The following NLRP9 variants were observed in gnomAD, a reference collection of about 807,000 sequenced individuals.
The protein encoded by NLRP9 is NACHT, LRR and PYD domains-containing protein 9.
A neutral mutation model predicts 83.1 loss-of-function variants in NLRP9; 88 were observed. That is an observed-to-expected ratio of 1.06 (90% CI 0.89 to 1.26). The LOEUF (loss-of-function observed/expected upper bound fraction) is 1.26, where lower values mean the gene tolerates loss of function less well. Ranked by LOEUF, NLRP9 falls within the 50% of genes most tolerant of loss-of-function variation. The probability of loss-of-function intolerance (pLI) is 0.00; values close to 1 mark genes in which losing one functional copy is unlikely to be tolerated. For missense variants in NLRP9, 1,308 were observed against 1,179.3 expected (o/e 1.11, Z -1.60); for synonymous variants, 521 against 447.6 (o/e 1.16, Z -2.07).
At chr19:55,727,022 G>A (rs1206333137) in intron 3 of NLRP9, among the ~76,000 whole-genome samples, 1 of 152,148 alleles carries the variant, frequency 6.6e-6, no homozygotes, top group Non-Finnish European at 1.5e-5. Context: ...GGAGGTCAAG[G>A]CAGGTGGATC....
At chr19:55,713,302 GA>G (rs1987841357) in intron 6 of NLRP9, among the ~76,000 whole-genome samples, 1 of 151,590 alleles carries the variant, frequency 6.6e-6, no homozygotes, top group African/African-American at 2.4e-5. Context: ...CAGATAGACA[GA>G]AAAATGGTAG....
At chr19:55,716,672 G>A (rs1988025805) in intron 5 of NLRP9, 56 bp downstream of exon 5, 1 of 1,446,728 alleles carries the variant, frequency 6.9e-7, no homozygotes, top group South Asian at 1.1e-5. Flanking sequence ...GATAATGGGT[G>A]GATCCAGGTG....
At position 55,723,007 on chromosome 19, in the gene NLRP9, GC is replaced by G. The variant is rs1274086399; in HGVS notation, c.2159+972del. Among the ~76,000 whole-genome samples, 3 of 152,236 alleles carry G rather than the reference GC, an allele frequency of 2.0e-5. 1 individual carries two copies. Among genetic ancestry groups the G allele is most frequent in the African/African-American group, 7.2e-5 (3 of 41,532 alleles). On this transcript the variant is annotated intron_variant, in intron 4 of 8. Coordinates refer to ENST00000332836, the MANE Select transcript of NLRP9 (RefSeq NM_176820.4). ...ACTGGGGCCTGTCGGTGGGTGGGGAGCTGGGGGAGGGAAAGCATTAGGAGAT... is the reference window on the plus strand; with the variant it reads ...ACTGGGGCCTGTCGGTGGGTGGGGAGTGGGGGAGGGAAAGCATTAGGAGAT...
intron 3 of NLRP9, among the ~76,000 whole-genome samples, chr19:55,726,808 T>A (rs994448524): frequency 5.0e-4 from 76 of 152,252 alleles, no homozygotes; most frequent in Admixed American, 1.3e-4. Context: ...TGATTCTCCA[T>A]CGTCTCAGCA....
chr19:55,711,763 GAA>G (rs564692497), intron 8 of NLRP9, 35 bp downstream of exon 8: 17 of 1,600,416 alleles, frequency 1.1e-5, no homozygotes, highest in Admixed American at 3.4e-5. Flanking sequence ...AGCTCGTTCT[GAA>G]GTCACTCACC....
chr19:55,733,752 C>T (rs1235639466), intron 1 of NLRP9, among the ~76,000 whole-genome samples: 1 of 152,086 alleles, frequency 6.6e-6, no homozygotes, highest in Non-Finnish European at 1.5e-5. Flanking sequence ...TCTCCATTAA[C>T]AGGAACACAG....
chr19:55,732,303 A>G lies in NLRP9; in HGVS notation c.1528T>C (p.Ser510Pro). The G allele has an allele frequency of 1.9e-6, 3 of 1,614,216 alleles. No homozygotes were observed. Among genetic ancestry groups the G allele is most frequent in the Non-Finnish European group, 2.5e-6 (3 of 1,180,028 alleles). ...TEEIVSMLET[S>P]FGFPLSKDLK... is the part of the protein sequence containing the mutation. Reference sequence around the variant, plus strand: ...TCTTTTGACAGTGGAAAACCAAAGGAGGTCTCCAGCATGCTGACGATTTCT... The same window carrying G: ...TCTTTTGACAGTGGAAAACCAAAGGGGGTCTCCAGCATGCTGACGATTTCT... The change falls in exon 2 of 9, where the codon TCC (serine) becomes CCC (proline). Residue 510 changes from serine (S) to proline (P), a missense_variant. Ser to Pro is a moderately conservative substitution (Grantham distance 74, BLOSUM62 -1). Coordinates refer to ENST00000332836, the MANE Select transcript of NLRP9 (RefSeq NM_176820.4).
At chr19:55,714,976 CCTTTCCTATGT>C (rs1343570267) in intron 6 of NLRP9, 68 bp downstream of exon 6, 8 of 1,332,828 alleles carry the variant, frequency 6.0e-6, no homozygotes, top group Admixed American at 2.1e-5. Context: ...CTAGCATATC[CCTTTCCTATGT>C]CTTTCCTAGA....
chr19:55,718,735 C>T (rs955293962), intron 4 of NLRP9, among the ~76,000 whole-genome samples: 5 of 152,214 alleles, frequency 3.3e-5, no homozygotes, highest in African/African-American at 7.2e-5. Flanking sequence ...CAGAGACCAG[C>T]GCCAGTGCGG....
intron 1 of NLRP9, among the ~76,000 whole-genome samples, chr19:55,734,510 T>C (rs968554157): frequency 6.4e-5 from 7 of 108,532 alleles, no homozygotes; most frequent in Non-Finnish European, 1.0e-4. Flanking sequence ...AAAGTACACA[T>C]ATATATACAC....
intron 4 of NLRP9, among the ~76,000 whole-genome samples, chr19:55,720,786 T>C (rs1988201329): frequency 6.6e-6 from 1 of 152,180 alleles, no homozygotes; most frequent in African/African-American, 2.4e-5. Flanking sequence ...TAGGATTCAT[T>C]CCGCAATATA....
chr19:55,724,431 C>T (rs1169733028), intron 3 of NLRP9, among the ~76,000 whole-genome samples: 2 of 152,106 alleles, frequency 1.3e-5, no homozygotes, highest in African/African-American at 4.8e-5. Context: ...TTAAACCGAG[C>T]CCCATGGGGA....
Position 55,712,419 on chromosome 19 carries a change from C to A in NLRP9, c.2672+1G>T. The A allele has an allele frequency of 6.2e-7, 1 of 1,611,458 alleles. No homozygotes were observed. On this transcript the variant is annotated splice_donor_variant, in intron 7 of 8. Transcript: ENST00000332836. LOFTEE classifies it high-confidence loss of function. ...TACGATGGTGATCAGTAGATACTCA[C>A]CCGAGACACTCTAATTTACAGTGAG...
intron 5 of NLRP9, among the ~76,000 whole-genome samples, chr19:55,716,008 G>A (rs1189025210): frequency 1.3e-5 from 2 of 152,200 alleles, no homozygotes; most frequent in Non-Finnish European, 2.9e-5. Context: ...TGATGAGTAT[G>A]TTAGTTTCCT....
intron 6 of NLRP9, 114 bp downstream of exon 6, chr19:55,714,941 T>G (rs1210456072): frequency 1.0e-6 from 1 of 1,002,894 alleles, no homozygotes; most frequent in Non-Finnish European, 1.5e-6. Context: ...CATACGAATT[T>G]TGGGAGGACA....
chr19:55,714,466 CTCCA>C (rs1289081890), intron 6 of NLRP9, among the ~76,000 whole-genome samples: 1 of 152,164 alleles, frequency 6.6e-6, no homozygotes, highest in Non-Finnish European at 1.5e-5. Context: ...CCACTCGGGA[CTCCA>C]TCCAGGCCTT....
At chr19:55,729,734 G>T in intron 3 of NLRP9, 97 bp downstream of exon 3, 1 of 940,760 alleles carries the variant, frequency 1.1e-6, no homozygotes, top group Middle Eastern at 2.5e-4. Flanking sequence ...CTGGATTGCC[G>T]CTCTGCATTT....
rs1263215612 is a variant in NLRP9 at position 55,724,007 on chromosome 19, T to A, written c.2132A>T (p.His711Leu). The change falls in exon 4 of 9, where the codon CAT becomes CTT. Residue 711 changes from histidine (H) to leucine (L), a missense_variant. Transcript: ENST00000332836. ...CAGCTCTTCTATCTTGCACATTGGA[T>A]GTTTCAGCGTCTCACACAGGTGTCT... is the stretch of plus-strand genomic sequence containing the variant. ...DIRHLCETLK[H>L]PMCKIEELIL... The A allele has an allele frequency of 6.2e-7, 1 of 1,613,844 alleles. No homozygotes were observed. Among genetic ancestry groups the A allele is most frequent in the Non-Finnish European group, 8.5e-7 (1 of 1,179,942 alleles).
At chr19:55,728,106 C>T (rs1287177514) in intron 3 of NLRP9, among the ~76,000 whole-genome samples, 6 of 152,106 alleles carry the variant, frequency 3.9e-5, no homozygotes, top group African/African-American at 9.7e-5. Flanking sequence ...ATTCAATGTC[C>T]GTGGTTTTTA....
Sources: allele counts gnomAD v4.1 joint callset (sites outside exome capture counted in the v4.1 genomes callset), GRCh38; gene constraint gnomAD v4.1.1; transcripts MANE v1.5; gene names NCBI Gene and HGNC (gene_info 2026-07-23, HGNC 2026-07-21).